UMODL1: variants seen among roughly 807,000 people sequenced by gnomAD.
UMODL1 encodes uromodulin-like 1.
A neutral mutation model predicts 136.3 loss-of-function variants in UMODL1; 128 were observed. The ratio of observed to expected loss-of-function variants is 0.94; its 90% CI spans 0.81 to 1.09. The LOEUF (loss-of-function observed/expected upper bound fraction) is 1.09, where lower values mean the gene tolerates loss of function less well. Ranked by LOEUF, UMODL1 falls within the 50% of genes least tolerant of loss-of-function variation. UMODL1 has a pLI of 0.00. For missense variants in UMODL1, 1,766 were observed against 1,725.6 expected (o/e 1.02, Z -0.41); for synonymous variants, 721 against 720.0 (o/e 1.00, Z -0.02).
intron 21 of UMODL1, among the ~76,000 whole-genome samples, chr21:42,136,728 T>TTG (rs1555935129): frequency 0.013 from 2,005 of 151,722 alleles, 45 homozygotes; most frequent in African/African-American, 0.045. Flanking sequence ...TCTTTTTTTT[T>TTG]GTTTCTTGTT....
intron 1 of UMODL1, among the ~76,000 whole-genome samples, chr21:42,074,131 A>C (rs2066261261): frequency 6.6e-6 from 1 of 152,146 alleles, no homozygotes; most frequent in African/African-American, 2.4e-5. Context: ...CGGAAGTCTA[A>C]GATGAAGTTG....
At chr21:42,084,341 G>A in intron 3 of UMODL1, 96 bp downstream of exon 3, 2 of 1,398,252 alleles carry the variant, frequency 1.4e-6, no homozygotes, top group African/African-American at 2.9e-5. Context: ...TGTGTTTCTA[G>A]GAGCAGTGAC....
At chr21:42,140,767 T>TGCA (rs552324296) in intron 22 of UMODL1, among the ~76,000 whole-genome samples, 3 of 152,180 alleles carry the variant, frequency 2.0e-5, no homozygotes, top group Non-Finnish European at 4.4e-5. Context: ...CAGGTGCTGC[T>TGCA]GCTCAATTGT....
Position 42,113,584 on chromosome 21 carries a change from A to G in UMODL1, c.2116A>G (p.Ile706Val). ...ATTCCACTTCCCAGTTCCTGTCTCC[A>G]TTGGGAGGATCATGGTCTCCAATGT... ...LKTPACVPVSIGRIMVSNVTS... is the reference protein window; with the variant it reads ...LKTPACVPVSVGRIMVSNVTS... The change falls in exon 13 of 23, where the codon ATT (isoleucine) becomes GTT (valine). Residue 706 changes from isoleucine (I) to valine (V), a missense_variant. Physicochemically the swap from Ile to Val is conservative, Grantham distance 29. Coordinates refer to ENST00000408910, the MANE Select transcript of UMODL1 (RefSeq NM_001004416.3). 6.2e-7 allele frequency: 1 copy of G among 1,613,388 alleles called. No individual in the cohort carries two copies. The highest frequency in any genetic ancestry group is 8.5e-7 in the Non-Finnish European group (1 of 1,179,558).
chr21:42,123,149 G>C lies in UMODL1; in HGVS notation c.3146G>C (p.Ser1049Thr). 1.2e-6 allele frequency: 2 copies of C among 1,609,354 alleles called. No individual in the cohort carries two copies. The highest frequency in any genetic ancestry group is 1.3e-5 in the African/African-American group (1 of 74,980). ...AGCGAGTGTGGGACCCTCATGCAGA[G>C]CGTAAGACCAGGAGAGCCAGGCTCA... ...GWSECGTLMQSNMTNTVVRTT... is the reference protein window; with the variant it reads ...GWSECGTLMQTNMTNTVVRTT... The change falls in exon 17 of 23, where the codon AGC becomes ACC. Residue 1049 changes from serine (S) to threonine (T), a missense_variant and splice_region_variant. Coordinates refer to ENST00000408910, the MANE Select transcript of UMODL1 (RefSeq NM_001004416.3). This position sits in a 1 kb window ranked among gnomAD's most constrained non-coding sequence, Gnocchi z 4.4.
chr21:42,072,930 C>G (rs557983049), intron 1 of UMODL1, among the ~76,000 whole-genome samples: 2 of 152,208 alleles, frequency 1.3e-5, no homozygotes, highest in African/African-American at 4.8e-5. Flanking sequence ...AGAAGCCAGG[C>G]TTGGGATGGC....
chr21:42,083,301 G>T (rs1767951889), intron 2 of UMODL1, among the ~76,000 whole-genome samples: 1 of 152,186 alleles, frequency 6.6e-6, no homozygotes, highest in South Asian at 2.1e-4. Flanking sequence ...GAAGCCCCAG[G>T]GATGCCAGAC....
intron 14 of UMODL1, 105 bp from the exon 15 acceptor site, chr21:42,119,006 G>T: frequency 8.5e-7 from 1 of 1,180,426 alleles, no homozygotes; most frequent in East Asian, 2.4e-5. Flanking sequence ...TTTGTGCCAC[G>T]GGCCAGCCCT....
rs557453216 is a variant in UMODL1 at position 42,108,146 on chromosome 21, G to T, written c.1520-1416G>T. The T allele has an allele frequency of 1.0e-4, 40 of 393,466 alleles. 1 individual carries two copies. The highest frequency in any genetic ancestry group is 3.2e-4 in the South Asian group (17 of 53,352). The allele number at this position is 393,466 out of a possible 1,614,324, so 24.4% of individuals were successfully genotyped here. A position where few individuals can be genotyped will look rare whatever the true frequency, so the allele number is the denominator to read the frequency against. ...CTGTCTGGGGGGACGGAGGAGTGAA[G>T]ATTAGGTGAATCACCACGCCCCAAA... On this transcript the variant is annotated intron_variant, in intron 9 of 22. Transcript: ENST00000408910.
chr21:42,138,278 G>T (rs1434240465), intron 22 of UMODL1, among the ~76,000 whole-genome samples: 1 of 152,202 alleles, frequency 6.6e-6, no homozygotes, highest in Non-Finnish European at 1.5e-5. Context: ...ATTGCTGGTG[G>T]ATCCTAACGA....
rs2066863973 is a variant in UMODL1, at chr21:42,113,557, A to G, written c.2105-16A>G. The G allele has an allele frequency of 6.3e-7, 1 of 1,597,566 alleles. No homozygotes were observed. The highest frequency in any genetic ancestry group is 1.3e-5 in the African/African-American group (1 of 74,464). On this transcript the variant is annotated splice_polypyrimidine_tract_variant and intron_variant, in intron 12 of 22. Coordinates refer to ENST00000408910, the MANE Select transcript of UMODL1 (RefSeq NM_001004416.3). ...TGGCTTGATTGTAATTTTGGTGTTT[A>G]TATTCCACTTCCCAGTTCCTGTCTC... is the stretch of plus-strand genomic sequence containing the variant.
chr21:42,125,435 G>A (rs1164407390), intron 17 of UMODL1, among the ~76,000 whole-genome samples: 2 of 152,180 alleles, frequency 1.3e-5, no homozygotes, highest in Admixed American at 6.5e-5. Context: ...TCACTCTGCC[G>A]AGCTCATTCC....
At chr21:42,140,784 G>A (rs1312649929) in intron 22 of UMODL1, among the ~76,000 whole-genome samples, 2 of 152,136 alleles carry the variant, frequency 1.3e-5, no homozygotes, top group African/African-American at 4.8e-5. Context: ...TTGTGGTCTG[G>A]GTCCTCAGCC....
intron 2 of UMODL1, among the ~76,000 whole-genome samples, chr21:42,078,051 G>A (rs913639448): frequency 7.2e-5 from 11 of 152,190 alleles, no homozygotes; most frequent in Non-Finnish European, 1.3e-4. Flanking sequence ...AGGGCCTGAT[G>A]GTTTCGGGTG....
intron 2 of UMODL1, 71 bp from the exon 3 acceptor site, chr21:42,084,013 T>G: frequency 1.3e-6 from 2 of 1,559,218 alleles, no homozygotes; most frequent in African/African-American, 1.4e-5. Context: ...AGCACCGACG[T>G]GAGGTCCCCG....
At chr21:42,089,668 G>A (rs960121076) in intron 5 of UMODL1, among the ~76,000 whole-genome samples, 5 of 152,244 alleles carry the variant, frequency 3.3e-5, no homozygotes, top group Non-Finnish European at 7.3e-5. Flanking sequence ...GCAACTCCAC[G>A]ACTGGGAATG....
chr21:42,128,232 A>G, intron 20 of UMODL1: 4 of 302,608 alleles, frequency 1.3e-5, no homozygotes, highest in South Asian at 1.1e-4. Flanking sequence ...TCTGTTATTT[A>G]ATAAAGTTTT....
At position 42,141,796 on chromosome 21, in the gene UMODL1, G is replaced by A. The variant is rs559013025; in HGVS notation, c.*22-300G>A. ...TGGGTTCTCCACGGATGGTGCAAAG[G>A]TGCAGGGGCCCCAGCTGTGCTCGTC... On this transcript the variant is annotated intron_variant, in intron 22 of 22. Transcript: ENST00000408910. Among the ~76,000 whole-genome samples, 140 of 152,200 alleles carry A rather than the reference G, an allele frequency of 9.2e-4. 1 individual carries two copies. Among genetic ancestry groups the A allele is most frequent in the African/African-American group, 3.2e-3 (134 of 41,514 alleles).
chr21:42,110,036 G>A (rs906218384), intron 10 of UMODL1, among the ~76,000 whole-genome samples: 3 of 152,132 alleles, frequency 2.0e-5, no homozygotes, highest in Non-Finnish European at 2.9e-5. Context: ...GATGCAGCCC[G>A]GGGTCGAGGG....
Sources: allele counts gnomAD v4.1 joint callset (sites outside exome capture counted in the v4.1 genomes callset), GRCh38; gene constraint gnomAD v4.1.1; non-coding constraint Gnocchi (gnomAD v3.1); transcripts MANE v1.5; gene names NCBI Gene and HGNC (gene_info 2026-07-23, HGNC 2026-07-21).